Variants in ADAMTS3 observed in about 807,000 individuals in gnomAD.
ADAMTS3 encodes A disintegrin and metalloproteinase with thrombospondin motifs 3.
In ADAMTS3, 73 loss-of-function variants were observed where a neutral mutation model predicts 129.0. That is an observed-to-expected ratio of 0.57 (90% CI 0.47 to 0.69). ADAMTS3 has a LOEUF of 0.69. Among genes scored for constraint, ADAMTS3 ranks in the 30% least tolerant of loss-of-function variants. ADAMTS3 has a pLI of 0.00. For synonymous variants in ADAMTS3, 477 were observed against 510.8 expected (o/e 0.93, Z 0.89); for missense variants, 1,457 against 1,514.5 (o/e 0.96, Z 0.63).
intron 21 of ADAMTS3, among the ~76,000 whole-genome samples, chr4:72,284,116 G>A (rs1202028800): frequency 3.3e-5 from 5 of 151,994 alleles, no homozygotes; most frequent in Admixed American, 1.3e-4. Context: ...CCTACATTAC[G>A]TTAAAATGTG....
chr4:72,398,448 A>C (rs995578840), intron 4 of ADAMTS3, among the ~76,000 whole-genome samples: 2 of 152,078 alleles, frequency 1.3e-5, no homozygotes, highest in African/African-American at 2.4e-5. Context: ...AGTAACGCAC[A>C]ACTGTAATAC....
At chr4:72,399,004 T>C (rs983744400) in intron 4 of ADAMTS3, among the ~76,000 whole-genome samples, 9 of 152,234 alleles carry the variant, frequency 5.9e-5, no homozygotes, top group African/African-American at 2.2e-4. Context: ...ACAGGCCTTC[T>C]TCTATGTCAC....
chr4:72,508,356 C>T (rs1416203181), intron 3 of ADAMTS3, among the ~76,000 whole-genome samples: 1 of 151,942 alleles, frequency 6.6e-6, no homozygotes, highest in African/African-American at 2.4e-5. Context: ...CCACCAATAA[C>T]CTAAAAAATT....
Position 72,368,391 on chromosome 4 carries a change from A to G in ADAMTS3, c.662-28698T>C, listed in dbSNP as rs568718565. The stretch of plus-strand genomic sequence containing the variant: ...GGCTACTGGAGGTAAAACAATGAAG[A>G]CTTGAGGACAAGGAGTACAGATCGA... On this transcript the variant is annotated intron_variant, in intron 4 of 21. Coordinates refer to ENST00000286657, the MANE Select transcript of ADAMTS3 (RefSeq NM_014243.3). Among the ~76,000 whole-genome samples, 16 of 152,300 alleles carry G rather than the reference A, an allele frequency of 1.1e-4. 1 individual carries two copies. The South Asian group carries it at 3.3e-3, about 32-fold the overall frequency.
At chr4:72,488,869 T>C (rs1167467957) in intron 3 of ADAMTS3, among the ~76,000 whole-genome samples, 1 of 151,850 alleles carries the variant, frequency 6.6e-6, no homozygotes, top group Non-Finnish European at 1.5e-5. Context: ...CACCAGAACT[T>C]AGATCTCCAG....
At chr4:72,545,069 A>C (rs1159195832) in intron 3 of ADAMTS3, among the ~76,000 whole-genome samples, 1 of 152,086 alleles carries the variant, frequency 6.6e-6, no homozygotes, top group African/African-American at 2.4e-5. Context: ...TATTATTTAA[A>C]TTTGAAAACT....
chr4:72,519,581 ATTCAT>A (rs1420455804), intron 3 of ADAMTS3, among the ~76,000 whole-genome samples: 1 of 151,784 alleles, frequency 6.6e-6, no homozygotes, highest in Non-Finnish European at 1.5e-5. Context: ...GCTTCATTTG[ATTCAT>A]TTCATCTTCC....
intron 3 of ADAMTS3, among the ~76,000 whole-genome samples, chr4:72,430,991 T>C (rs1722684845): frequency 1.3e-5 from 2 of 151,952 alleles, no homozygotes; most frequent in African/African-American, 4.8e-5. Context: ...GAATGGAACA[T>C]GAACTATTAA....
intron 16 of ADAMTS3, 75 bp downstream of exon 16, chr4:72,305,912 C>T: frequency 8.3e-7 from 1 of 1,205,938 alleles, no homozygotes. Context: ...ATATACATAT[C>T]TATATTTAGG....
intron 3 of ADAMTS3, among the ~76,000 whole-genome samples, chr4:72,468,490 A>T (rs1352316590): frequency 6.6e-6 from 1 of 152,120 alleles, no homozygotes; most frequent in Non-Finnish European, 1.5e-5. Flanking sequence ...AAAATTACCC[A>T]CATGGTAATT....
At chr4:72,439,183 T>C (rs2109958203) in intron 3 of ADAMTS3, among the ~76,000 whole-genome samples, 1 of 151,838 alleles carries the variant, frequency 6.6e-6, no homozygotes, top group Middle Eastern at 3.4e-3. Context: ...TTAAAATACA[T>C]TTATTTTTTA....
chr4:72,438,000 T>G (rs1366913024), intron 3 of ADAMTS3, among the ~76,000 whole-genome samples: 2 of 151,716 alleles, frequency 1.3e-5, no homozygotes, highest in African/African-American at 2.4e-5. Context: ...CCATAAATGT[T>G]TTTTGTTGTT....
At chr4:72,300,699 C>A (rs1229378578) in intron 17 of ADAMTS3, among the ~76,000 whole-genome samples, 1 of 152,038 alleles carries the variant, frequency 6.6e-6, no homozygotes, top group African/African-American at 2.4e-5. Context: ...CTGAGAATTC[C>A]GTCTCGGTTT....
intron 4 of ADAMTS3, among the ~76,000 whole-genome samples, chr4:72,370,419 A>G (rs1240983375): frequency 6.6e-6 from 1 of 151,872 alleles, no homozygotes; most frequent in African/African-American, 2.4e-5. Flanking sequence ...TATTATATCA[A>G]TCTGCTTATT....
chr4:72,460,419 G>A (rs868409198), intron 3 of ADAMTS3, among the ~76,000 whole-genome samples: 14 of 151,248 alleles, frequency 9.3e-5, no homozygotes, highest in Middle Eastern at 3.2e-3. Flanking sequence ...AAAGGGCTTC[G>A]GGAATGTGAA....
At chr4:72,508,366 TGA>T (rs1560542594) in intron 3 of ADAMTS3, among the ~76,000 whole-genome samples, 1 of 152,006 alleles carries the variant, frequency 6.6e-6, no homozygotes, top group Non-Finnish European at 1.5e-5. Flanking sequence ...CCTAAAAAAT[TGA>T]GAGTTATTTT....
chr4:72,422,911 T>C lies in ADAMTS3; in HGVS notation c.505-7940A>G, dbSNP rs571229850. ...AATGTAAAACACTAGTTTTTATATG[T>C]CTATAATAATAAAAATCAGTCATCA... is the stretch of plus-strand genomic sequence containing the variant. On this transcript the variant is annotated intron_variant, in intron 3 of 21. Transcript: ENST00000286657. 3.3e-5 allele frequency among the ~76,000 whole-genome samples: 5 copies of C among 152,316 alleles called. No individual in the cohort carries two copies. The South Asian group carries it at 1.0e-3, about 32-fold the overall frequency.
At chr4:72,344,368 G>C (rs372551996) in intron 4 of ADAMTS3, among the ~76,000 whole-genome samples, 76 of 152,174 alleles carry the variant, frequency 5.0e-4, no homozygotes, top group African/African-American at 1.7e-3. Context: ...GACAGGAGAC[G>C]AAGGTAAAAT....
At chr4:72,456,361 G>T (rs1384065593) in intron 3 of ADAMTS3, among the ~76,000 whole-genome samples, 2 of 1,658 alleles carry the variant, frequency 1.2e-3, no homozygotes, top group East Asian at 0.011. Flanking sequence ...ATAGTATATA[G>T]TATACAATAT....
Sources: gnomAD v4.1 joint callset for allele counts (sites outside exome capture counted in the v4.1 genomes callset) on GRCh38, gnomAD v4.1.1 for gene constraint, MANE v1.5 for transcripts, NCBI Gene and HGNC (gene_info 2026-07-23, HGNC 2026-07-21) for gene names.